AKAP7: variants seen among roughly 807,000 people sequenced by gnomAD.
The protein encoded by AKAP7 is A-kinase anchoring protein 7, also known as A kinase (PRKA) anchor protein 7.
AKAP7 carries 39 observed loss-of-function variants against 39.5 expected under a neutral mutation model. The ratio of observed to expected loss-of-function variants is 0.99; its 90% CI spans 0.76 to 1.29. AKAP7 has a LOEUF of 1.29. Ranked by LOEUF, AKAP7 falls within the 50% of genes most tolerant of loss-of-function variation. AKAP7 has a pLI of 0.00. For synonymous variants in AKAP7, 140 were observed against 139.1 expected, an observed-to-expected ratio of 1.01 and a Z score of -0.05; for missense variants, 414 against 407.7, an observed-to-expected ratio of 1.02 and a Z score of -0.13.
chr6:131,246,352 T>C (rs575952040), intron 7 of AKAP7, among the ~76,000 whole-genome samples: 119 of 152,312 alleles, frequency 7.8e-4, no homozygotes, highest in African/African-American at 2.7e-3. Flanking sequence ...CTAACCGTGA[T>C]TGGTCTGTAG....
chr6:131,262,279 C>A (rs1017053089), intron 7 of AKAP7, among the ~76,000 whole-genome samples: 3 of 152,132 alleles, frequency 2.0e-5, no homozygotes, highest in South Asian at 2.1e-4. Context: ...TCTGCCTCCC[C>A]CTCTTGGCAG....
At chr6:131,154,477 T>C (rs1327421074) in intron 2 of AKAP7, among the ~76,000 whole-genome samples, 1 of 151,142 alleles carries the variant, frequency 6.6e-6, no homozygotes, top group Non-Finnish European at 1.5e-5. Context: ...TGTTTTTTTT[T>C]TTTTTTTTTT....
chr6:131,223,158 A>G (rs1809854126), intron 7 of AKAP7, among the ~76,000 whole-genome samples: 1 of 152,254 alleles, frequency 6.6e-6, no homozygotes, highest in Admixed American at 6.5e-5. Flanking sequence ...GTACTAGGAA[A>G]CCAAAAAATT....
intron 6 of AKAP7, among the ~76,000 whole-genome samples, chr6:131,217,680 G>A (rs910466453): frequency 1.1e-4 from 16 of 152,096 alleles, no homozygotes; most frequent in Non-Finnish European, 1.9e-4. Context: ...AACAGTTAGC[G>A]TTTACCTTTT....
intron 5 of AKAP7, among the ~76,000 whole-genome samples, chr6:131,197,122 T>A (rs1234498542): frequency 6.6e-6 from 1 of 152,134 alleles, no homozygotes; most frequent in Non-Finnish European, 1.5e-5. Flanking sequence ...TTCTCTCTTT[T>A]TGCTTAATGG....
intron 7 of AKAP7, among the ~76,000 whole-genome samples, chr6:131,264,141 C>G (rs1813586292): frequency 6.6e-6 from 1 of 152,138 alleles, no homozygotes; most frequent in Admixed American, 6.5e-5. Context: ...GAAAGCAGCC[C>G]TGTGACTGAA....
intron 7 of AKAP7, among the ~76,000 whole-genome samples, chr6:131,234,494 A>G (rs145520736): frequency 2.0e-5 from 3 of 152,262 alleles, no homozygotes; most frequent in Non-Finnish European, 2.9e-5. Flanking sequence ...CAAATGAAAG[A>G]GAGATTTTCC....
At chr6:131,279,791 A>G (rs1330537626) in intron 7 of AKAP7, among the ~76,000 whole-genome samples, 1 of 152,192 alleles carries the variant, frequency 6.6e-6, no homozygotes, top group Non-Finnish European at 1.5e-5. Flanking sequence ...ACAGAGCACA[A>G]GTAGGATGGC....
intron 7 of AKAP7, among the ~76,000 whole-genome samples, chr6:131,231,085 G>T (rs1193735301): frequency 6.6e-6 from 1 of 151,976 alleles, no homozygotes; most frequent in Admixed American, 6.6e-5. Context: ...ACTTAATTTT[G>T]ATCAGTATTT....
At chr6:131,258,696 G>A (rs959675490) in intron 7 of AKAP7, among the ~76,000 whole-genome samples, 1 of 152,134 alleles carries the variant, frequency 6.6e-6, no homozygotes, top group African/African-American at 2.4e-5. Context: ...AAAATATAAA[G>A]AATAAGTATA....
At chr6:131,269,480 C>T (rs1368853136) in intron 7 of AKAP7, among the ~76,000 whole-genome samples, 1 of 152,148 alleles carries the variant, frequency 6.6e-6, no homozygotes, top group Non-Finnish European at 1.5e-5. Context: ...TGAACAAATA[C>T]AGGAACCAAA....
At chr6:131,163,005 G>GCTCT (rs3836925) in intron 3 of AKAP7, among the ~76,000 whole-genome samples, 148 of 150,178 alleles carry the variant, frequency 9.9e-4, no homozygotes, top group East Asian at 3.7e-3. Flanking sequence ...TTTCGCTCTC[G>GCTCT]CTCTCTCTCT....
rs1237036175 is a variant in AKAP7, at chr6:131,197,375, A to G, written c.590-2086A>G. ...AAAATGCTTGTATAGCCTAAATTTTAATAGTTGCTACCCAGATTATTTTCC... is the reference window on the plus strand; with the variant it reads ...AAAATGCTTGTATAGCCTAAATTTTGATAGTTGCTACCCAGATTATTTTCC... On this transcript the variant is annotated intron_variant, in intron 5 of 7. Transcript: ENST00000431975. Among the ~76,000 whole-genome samples, 3 of 152,120 alleles carry G rather than the reference A, an allele frequency of 2.0e-5. No homozygotes were observed. The East Asian group carries it at 5.8e-4, about 29-fold the overall frequency.
intron 7 of AKAP7, 102 bp downstream of exon 7, chr6:131,219,910 A>G (rs1809554796): frequency 1.3e-6 from 1 of 778,168 alleles, no homozygotes; most frequent in Non-Finnish European, 1.9e-6. Context: ...CGTTTTTCTC[A>G]ATGATATACT....
intron 1 of AKAP7, among the ~76,000 whole-genome samples, chr6:131,143,805 G>A (rs1330799713): frequency 8.6e-5 from 12 of 139,008 alleles, no homozygotes; most frequent in African/African-American, 3.2e-4. Context: ...GGTGTTTCTC[G>A]CAGAGGGGGA....
chr6:131,219,707 A>G lies in AKAP7; in HGVS notation c.749A>G (p.His250Arg). Residue 250 changes from histidine to arginine, a missense_variant, in exon 7 of 8, where the codon CAC (histidine) becomes CGC (arginine). Coordinates refer to ENST00000431975, the MANE Select transcript of AKAP7 (RefSeq NM_016377.4). The stretch of plus-strand genomic sequence containing the variant: ...GATTTATATGAAAAGTTTATCAGTC[A>G]CAGATTTGGAGAAGAAATATTATAT... ...DPDLYEKFISHRFGEEILYRI... is the reference protein window; with the variant it reads ...DPDLYEKFISRRFGEEILYRI... 6.3e-7 allele frequency: 1 copy of G among 1,597,224 alleles called. No homozygotes were observed. Among genetic ancestry groups the G allele is most frequent in the East Asian group, 2.3e-5 (1 of 43,978 alleles).
chr6:131,210,323 C>T (rs1019178771), intron 6 of AKAP7, among the ~76,000 whole-genome samples: 1 of 152,194 alleles, frequency 6.6e-6, no homozygotes, highest in Non-Finnish European at 1.5e-5. Flanking sequence ...AATTAAAAGA[C>T]AAAAAGGTTG....
intron 2 of AKAP7, among the ~76,000 whole-genome samples, chr6:131,147,557 A>G (rs1006825941): frequency 1.3e-5 from 2 of 152,272 alleles, no homozygotes; most frequent in African/African-American, 2.4e-5. Context: ...CTTAGAAAAA[A>G]GTGAGAATAG....
chr6:131,135,173 G>A (rs1800428314), upstream of AKAP7, among the ~76,000 whole-genome samples: 2 of 152,218 alleles, frequency 1.3e-5, no homozygotes, highest in African/African-American at 4.8e-5. Context: ...CTAAGCACAT[G>A]GATTCTCAAA....
Sources: allele counts gnomAD v4.1 joint callset (sites outside exome capture counted in the v4.1 genomes callset), GRCh38; gene constraint gnomAD v4.1.1; transcripts MANE v1.5; gene names NCBI Gene and HGNC (gene_info 2026-07-23, HGNC 2026-07-21).